The following PEX1 variants were observed in gnomAD, a reference collection of about 807,000 sequenced individuals.
The protein encoded by PEX1 is peroxisomal biogenesis factor 1, also known as peroxisomal ATPase PEX1.
PEX1 carries 97 observed loss-of-function variants against 152.5 expected under a neutral mutation model. The observed-to-expected ratio is 0.64, with a 90% confidence interval of 0.54 to 0.75. The LOEUF is 0.75. Among genes scored for constraint, PEX1 ranks in the 30% least tolerant of loss-of-function variants. The pLI is 0.00. For missense variants in PEX1, 1,357 were observed against 1,516.3 expected (o/e 0.89, Z 1.74); for synonymous variants, 485 against 531.6 (o/e 0.91, Z 1.21).
chr7:92,514,888 A>G (rs1482008693), intron 5 of PEX1, among the ~76,000 whole-genome samples: 1 of 151,770 alleles, frequency 6.6e-6, no homozygotes, highest in East Asian at 1.9e-4. Flanking sequence ...CGTCTCTACT[A>G]AAACTACAAA....
intron 5 of PEX1, among the ~76,000 whole-genome samples, chr7:92,516,065 G>GAGAAGAGAAGAGAA (rs1562864924): frequency 1.1e-3 from 67 of 60,674 alleles, no homozygotes; most frequent in East Asian, 2.2e-3. Context: ...AAAAAGAAAA[G>GAGAAGAGAAGAGAA]AAAAGAAAAG....
chr7:92,524,537 G>C (rs761126174), intron 1 of PEX1, among the ~76,000 whole-genome samples: 1 of 152,152 alleles, frequency 6.6e-6, no homozygotes, highest in African/African-American at 2.4e-5. Flanking sequence ...AAAGTGCTGG[G>C]ATTACAGGCG....
Position 92,487,504 on chromosome 7 carries a change from G to A in PEX1, c.3805C>T (p.Gln1269Ter). The A allele has an allele frequency of 5.6e-6, 9 of 1,593,682 alleles. No individual in the cohort carries two copies. Among genetic ancestry groups the A allele is most frequent in the Non-Finnish European group, 7.7e-6 (9 of 1,164,090 alleles). The change falls in exon 24 of 24, where the codon CAA becomes TAA. Residue 1269 changes from glutamine (Q) to a stop codon, truncating the protein, a stop_gained. Coordinates refer to ENST00000248633, the MANE Select transcript of PEX1 (RefSeq NM_000466.3). LOFTEE classifies it high-confidence loss of function. ...SFQNPKRRKN[Q>*]SGTMFRPGQK... ...CCAGGTCGAAACATTGTTCCACTTT[G>A]ATTTTTTCTCCTCTTTGGATTTTGA...
intron 1 of PEX1, 39 bp from the exon 2 acceptor site, chr7:92,522,284 A>T: frequency 6.2e-7 from 1 of 1,602,280 alleles, no homozygotes; most frequent in Non-Finnish European, 8.5e-7. Context: ...AGGTTTTCGT[A>T]TACATTTTTC....
At chr7:92,487,826 G>A (rs1169295194) in intron 23 of PEX1, among the ~76,000 whole-genome samples, 1 of 152,124 alleles carries the variant, frequency 6.6e-6, no homozygotes, top group African/African-American at 2.4e-5. Context: ...TCAAAGAAAT[G>A]TAAATTATTG....
At position 92,499,852 on chromosome 7, in the gene PEX1, A is replaced by C. The variant is rs1421970049; in HGVS notation, c.2584-14T>G. 1 of 1,599,116 alleles carries C rather than the reference A, an allele frequency of 6.3e-7. No individual in the cohort carries two copies. The highest frequency in any genetic ancestry group is 8.6e-7 in the Non-Finnish European group (1 of 1,168,176). Reference sequence around the variant, plus strand: ...TAATTCTGGATACTGAGAAACAAAAAAAAAAAATATGAAAAAGAGCTCAAG... The same window carrying C: ...TAATTCTGGATACTGAGAAACAAAACAAAAAAATATGAAAAAGAGCTCAAG... On this transcript the variant is annotated splice_polypyrimidine_tract_variant and intron_variant, in intron 15 of 23. Transcript: ENST00000248633.
chr7:92,487,320 T>C lies in PEX1; in HGVS notation c.*137A>G. On this transcript the variant is annotated 3_prime_UTR_variant, in exon 24 of 24. Transcript: ENST00000248633. ...CCTGATCATTACATAATTATAGCAT[T>C]TACCAATCTGTGATTTTATAAATTA... 1.7e-6 allele frequency: 1 copy of C among 583,708 alleles called. No homozygotes were observed. The allele number at this position is 583,708 out of a possible 1,614,324, so 36.2% of individuals were successfully genotyped here.
At chr7:92,520,342 G>C (rs1792994431) in intron 2 of PEX1, among the ~76,000 whole-genome samples, 1 of 152,168 alleles carries the variant, frequency 6.6e-6, no homozygotes, top group Non-Finnish European at 1.5e-5. Context: ...AAAATTTTAA[G>C]ATTCTAGCAA....
chr7:92,510,740 T>C (rs1792423259), intron 8 of PEX1: 2 of 416,982 alleles, frequency 4.8e-6, no homozygotes, highest in East Asian at 4.2e-5. Flanking sequence ...AAGGCATTCA[T>C]TTTTAAATTT....
chr7:92,509,077 C>T (rs764379899), intron 9 of PEX1, among the ~76,000 whole-genome samples: 12 of 146,380 alleles, frequency 8.2e-5, no homozygotes, highest in Non-Finnish European at 1.5e-4. Flanking sequence ...TTCTTGTTAT[C>T]GAAGAAGACA....
Position 92,489,383 on chromosome 7 carries a change from C to T in PEX1, c.3677G>A (p.Arg1226Lys). Reference sequence around the variant, plus strand: ...TAAATGTGACTGACTAATAGCCAGTCTGGTTTTGATTGGTCCTGGTTGGTT... The same window carrying T: ...TAAATGTGACTGACTAATAGCCAGTTTGGTTTTGATTGGTCCTGGTTGGTT... Reference protein sequence around the residue: ...SMNQPGPIKTRLAISQSHLMT... With the variant: ...SMNQPGPIKTKLAISQSHLMT... Residue 1226 changes from arginine (R) to lysine (K), a missense_variant, in exon 23 of 24, where the codon AGA becomes AAA. Transcript: ENST00000248633. 6.2e-7 allele frequency: 1 copy of T among 1,612,722 alleles called. No homozygotes were observed. The highest frequency in any genetic ancestry group is 8.5e-7 in the Non-Finnish European group (1 of 1,178,952).
At chr7:92,504,401 C>T (rs965782303) in intron 12 of PEX1, among the ~76,000 whole-genome samples, 3 of 151,956 alleles carry the variant, frequency 2.0e-5, no homozygotes, top group Non-Finnish European at 4.4e-5. Context: ...TCTTTTTCTC[C>T]TAGAATTTGA....
chr7:92,511,789 A>G, intron 6 of PEX1, 86 bp from the exon 7 acceptor site: 1 of 1,282,708 alleles, frequency 7.8e-7, no homozygotes, highest in Non-Finnish European at 1.1e-6. Flanking sequence ...TCTTCCTAAT[A>G]AAGTGTAAGC....
intron 21 of PEX1, 177 bp downstream of exon 21, chr7:92,491,095 A>C (rs1209695852): frequency 1.7e-6 from 1 of 578,260 alleles, no homozygotes; most frequent in Non-Finnish European, 3.1e-6. Context: ...TGTCTTGAAA[A>C]TCTTAACAAG....
At position 92,505,412 on chromosome 7, in the gene PEX1, CA is replaced by C. The variant is rs11370289; in HGVS notation, c.1901-511del. On this transcript the variant is annotated intron_variant, in intron 11 of 23. Transcript: ENST00000248633. Reference sequence around the variant, plus strand: ...TGGGCTACAGAGCAAGACTCTGTCTCAAAAAAAAAAAAAAAGAAAAAAGAAA... The same window carrying C: ...TGGGCTACAGAGCAAGACTCTGTCTCAAAAAAAAAAAAAAGAAAAAAGAAA... Among the ~76,000 whole-genome samples the C allele has an allele frequency of 4.3e-3, 581 of 133,760 alleles. 2 individuals are homozygous for C. The highest frequency in any genetic ancestry group is 0.015 in the African/African-American group (528 of 35,674). 87.8% of individuals were successfully genotyped at this position (133,760 alleles called of 152,430 possible). A position where few individuals can be genotyped will look rare whatever the true frequency, so the allele number is the denominator to read the frequency against.
rs776933950 is a variant in PEX1 at position 92,517,363 on chromosome 7, T to C, written c.1152A>G (p.Leu384=). The C allele has an allele frequency of 4.9e-5, 79 of 1,613,596 alleles. No homozygotes were observed. The highest frequency in any genetic ancestry group is 6.4e-5 in the Non-Finnish European group (76 of 1,179,684). The stretch of plus-strand genomic sequence containing the variant: ...CTTCAAGTCCATTCCAGACTACTTG[T>C]AGCACACAGGCCTTCTCATCTTCTT... The part of the protein sequence containing the change: ...HNEEDEKACV[L]QVVWNGLEEL... Residue 384 remains leucine (L), a synonymous_variant, in exon 5 of 24, where the codon CTA becomes CTG. Coordinates refer to ENST00000248633, the MANE Select transcript of PEX1 (RefSeq NM_000466.3).
intron 6 of PEX1, among the ~76,000 whole-genome samples, chr7:92,512,159 A>G (rs1018529622): frequency 1.3e-5 from 2 of 151,570 alleles, no homozygotes; most frequent in African/African-American, 2.4e-5. Context: ...CAGGCTCCCA[A>G]GTAGCTGGGA....
At chr7:92,520,917 T>G (rs1002167764) in intron 2 of PEX1, among the ~76,000 whole-genome samples, 2 of 152,174 alleles carry the variant, frequency 1.3e-5, no homozygotes, top group Non-Finnish European at 2.9e-5. Context: ...TGGGAAAAGG[T>G]AAAAACTCAT....
intron 23 of PEX1, 113 bp downstream of exon 23, chr7:92,489,180 G>A (rs35892336): frequency 7.1e-6 from 7 of 989,760 alleles, no homozygotes; most frequent in Non-Finnish European, 1.1e-5. Flanking sequence ...TTTTGAATTA[G>A]CTTTTAAATA....
Sources: gnomAD v4.1 joint callset for allele counts (sites outside exome capture counted in the v4.1 genomes callset) on GRCh38, gnomAD v4.1.1 for gene constraint, MANE v1.5 for transcripts, NCBI Gene and HGNC (gene_info 2026-07-23, HGNC 2026-07-21) for gene names.